The following CADM1 variants were observed in gnomAD, a reference collection of about 807,000 sequenced individuals.
The protein encoded by CADM1 is cell adhesion molecule 1, also known as TSLC-1.
A neutral mutation model predicts 53.1 loss-of-function variants in CADM1; 15 were observed. That is an observed-to-expected ratio of 0.28 (90% CI 0.19 to 0.44). The LOEUF is 0.44. CADM1 is among the 20% of genes least tolerant of loss of function. The pLI, the probability that CADM1 is intolerant of heterozygous loss-of-function variation, is 1.00. For missense variants in CADM1, 434 were observed against 611.3 expected, an observed-to-expected ratio of 0.71 and a Z score of 3.06; for synonymous variants, 281 against 243.0, an observed-to-expected ratio of 1.16 and a Z score of -1.45.
intron 7 of CADM1, among the ~76,000 whole-genome samples, chr11:115,211,428 A>G (rs1306756343): frequency 1.3e-5 from 2 of 151,482 alleles, no homozygotes; most frequent in African/African-American, 4.9e-5. Context: ...ACTGAAAAGG[A>G]ACATTTGTTC....
chr11:115,427,200 C>T (rs1947912944), intron 1 of CADM1, among the ~76,000 whole-genome samples: 1 of 152,188 alleles, frequency 6.6e-6, no homozygotes, highest in African/African-American at 2.4e-5. Context: ...CACATGTGCA[C>T]ATGGAGACAC....
intron 1 of CADM1, among the ~76,000 whole-genome samples, chr11:115,471,765 A>C: frequency 6.6e-6 from 1 of 152,168 alleles, no homozygotes; most frequent in East Asian, 1.9e-4. Context: ...GAGGGTTTCA[A>C]ACGTGAGATG....
At chr11:115,177,845 A>AG (rs1420821383) in intron 11 of CADM1, among the ~76,000 whole-genome samples, 1 of 152,194 alleles carries the variant, frequency 6.6e-6, no homozygotes, top group African/African-American at 2.4e-5. Flanking sequence ...GCTGTGCTCA[A>AG]GGGACCTTCC....
intron 5 of CADM1, among the ~76,000 whole-genome samples, chr11:115,220,196 CAGAG>C (rs1217069225): frequency 6.6e-6 from 1 of 152,028 alleles, no homozygotes; most frequent in African/African-American, 2.4e-5. Flanking sequence ...TACAAGCAAA[CAGAG>C]AGGGCATATT....
intron 1 of CADM1, among the ~76,000 whole-genome samples, chr11:115,416,609 G>A (rs900575635): frequency 6.6e-6 from 1 of 151,642 alleles, no homozygotes; most frequent in Admixed American, 6.6e-5. Context: ...TTCAGACTCA[G>A]CATACAGTCA....
chr11:115,391,461 G>A (rs1946834379), intron 1 of CADM1, among the ~76,000 whole-genome samples: 1 of 151,954 alleles, frequency 6.6e-6, no homozygotes, highest in Non-Finnish European at 1.5e-5. Flanking sequence ...TTATGCCAGA[G>A]AATAAATAAC....
chr11:115,249,046 C>T (rs571148827), intron 1 of CADM1, among the ~76,000 whole-genome samples: 4 of 152,158 alleles, frequency 2.6e-5, no homozygotes, highest in Non-Finnish European at 5.9e-5. Flanking sequence ...CAAGCAGTTT[C>T]TTCTCAATGG....
chr11:115,479,736 T>A (rs1442492704), intron 1 of CADM1, among the ~76,000 whole-genome samples: 1 of 152,182 alleles, frequency 6.6e-6, no homozygotes, highest in East Asian at 1.9e-4. Flanking sequence ...TAATTAAGGT[T>A]CCCCTGCTCC....
intron 1 of CADM1, among the ~76,000 whole-genome samples, chr11:115,324,030 C>T (rs532440687): frequency 1.3e-3 from 1 of 764 alleles, no homozygotes; most frequent in East Asian, 0.028. Flanking sequence ...GTTAAAGATG[C>T]TGTGGGAAAA....
intron 1 of CADM1, among the ~76,000 whole-genome samples, chr11:115,457,425 A>T (rs1428280416): frequency 6.6e-6 from 1 of 152,170 alleles, no homozygotes; most frequent in Non-Finnish European, 1.5e-5. Flanking sequence ...CCAGGGTAAG[A>T]ACTCCAAAAG....
intron 1 of CADM1, among the ~76,000 whole-genome samples, chr11:115,290,116 G>A (rs1414359985): frequency 6.6e-6 from 1 of 152,154 alleles, no homozygotes; most frequent in East Asian, 1.9e-4. Context: ...GTGGAATTAT[G>A]CATGCACATG....
Position 115,178,625 on chromosome 11 carries a change from C to G in CADM1, c.1297+19G>C, listed in dbSNP as rs1939155015. The G allele has an allele frequency of 6.2e-7, 1 of 1,610,852 alleles. No individual in the cohort carries two copies. The highest frequency in any genetic ancestry group is 1.3e-5 in the African/African-American group (1 of 74,836). On this transcript the variant is annotated intron_variant, in intron 11 of 11. Transcript: ENST00000331581. ...AGCTGTGGGGACACGCTGCTTCTGT[C>G]TGCTGAAGCTTTGCTTACCTTTATG...
chr11:115,459,437 A>G (rs1948747917), intron 1 of CADM1, among the ~76,000 whole-genome samples: 1 of 152,236 alleles, frequency 6.6e-6, no homozygotes, highest in Admixed American at 6.5e-5. Context: ...AAAGCTATGA[A>G]TAAATTTTCA....
intron 1 of CADM1, among the ~76,000 whole-genome samples, chr11:115,304,413 C>G (rs936038659): frequency 6.6e-6 from 1 of 152,014 alleles, no homozygotes; most frequent in Admixed American, 6.6e-5. Flanking sequence ...TCATGGTCTT[C>G]TATTCTCAAA....
At chr11:115,462,980 A>G (rs1339461294) in intron 1 of CADM1, among the ~76,000 whole-genome samples, 3 of 152,196 alleles carry the variant, frequency 2.0e-5, no homozygotes, top group Admixed American at 2.0e-4. Context: ...ACTGGGAAGA[A>G]AGGGGAGAAA....
In CADM1 at chr11:115,174,774, T is replaced by C; in HGVS notation, c.*1700A>G. On this transcript the variant is annotated 3_prime_UTR_variant, in exon 12 of 12. Transcript: ENST00000331581. ...ATATATATATATAGATCTATCTTTT[T>C]TGATGCCATCTTTCCATAGGGACTG... The C allele has an allele frequency of 1.5e-5, 14 of 911,746 alleles. No individual in the cohort carries two copies. The highest frequency in any genetic ancestry group is 1.8e-5 in the Non-Finnish European group (14 of 762,828). 56.5% of individuals were successfully genotyped at this position (911,746 alleles called of 1,614,324 possible).
At chr11:115,273,029 T>C (rs1943346970) in intron 1 of CADM1, among the ~76,000 whole-genome samples, 1 of 152,164 alleles carries the variant, frequency 6.6e-6, no homozygotes, top group African/African-American at 2.4e-5. Context: ...GTAGGGTCAA[T>C]ACCGGGTCAG....
rs567225044 is a variant in CADM1, at chr11:115,246,111, A to G, written c.125-5691T>C. Among the ~76,000 whole-genome samples, 7 of 152,330 alleles carry G rather than the reference A, an allele frequency of 4.6e-5. No individual in the cohort carries two copies. In the East Asian group the frequency reaches 1.2e-3, roughly 25 times the overall value. On this transcript the variant is annotated intron_variant, in intron 1 of 11. Coordinates refer to ENST00000331581, the MANE Select transcript of CADM1 (RefSeq NM_001301043.2). ...AAAGAGAGGGGCCCATCAACTGTAG[A>G]TTTAAGGTTAAGGGTGTGACCTCTT...
intron 1 of CADM1, among the ~76,000 whole-genome samples, chr11:115,265,123 C>T (rs1591654050): frequency 1.3e-5 from 2 of 152,278 alleles, no homozygotes; most frequent in East Asian, 1.9e-4. Context: ...CTACCACATG[C>T]CCCTCCCCTT....
Sources: gnomAD v4.1 joint callset for allele counts (sites outside exome capture counted in the v4.1 genomes callset) on GRCh38, gnomAD v4.1.1 for gene constraint, MANE v1.5 for transcripts, NCBI Gene and HGNC (gene_info 2026-07-23, HGNC 2026-07-21) for gene names.